Variants in RASGRP1 observed in about 807,000 individuals in gnomAD.
RASGRP1 encodes the protein RAS guanyl releasing protein 1, also known as RAS guanyl-releasing protein 1.
Under a neutral mutation model 95.1 loss-of-function variants are expected in RASGRP1, and 37 were observed. That is an observed-to-expected ratio of 0.39 (90% confidence interval 0.30 to 0.51). RASGRP1 has a LOEUF of 0.51. Among genes scored for constraint, RASGRP1 ranks in the 20% least tolerant of loss-of-function variants. RASGRP1 has a pLI of 0.80. For missense variants in RASGRP1, 711 were observed against 965.4 expected (o/e 0.74, Z 3.49); for synonymous variants, 325 against 353.4 (o/e 0.92, Z 0.90).
In RASGRP1 at chr15:38,507,717, G is replaced by T; in HGVS notation, c.1242+9C>A. 6.4e-7 allele frequency: 1 copy of T among 1,555,178 alleles called. No homozygotes were observed. The highest frequency in any genetic ancestry group is 8.7e-7 in the Non-Finnish European group (1 of 1,148,648). On this transcript the variant is annotated intron_variant, in intron 9 of 16. Transcript: ENST00000310803. ...GTGCTTAGTAATTGTCCTCCAGTGT[G>T]AGCCTCACCGTCAGCAAGTGTACCA...
chr15:38,493,183 T>A (rs909628927), intron 16 of RASGRP1, among the ~76,000 whole-genome samples: 1 of 128,644 alleles, frequency 7.8e-6, no homozygotes, highest in African/African-American at 2.6e-5. Context: ...CCGGGCCTTT[T>A]TTTTTTTTTT....
intron 10 of RASGRP1, chr15:38,503,789 A>G (rs1891137780): frequency 9.3e-6 from 2 of 216,114 alleles, no homozygotes; most frequent in South Asian, 1.5e-4. Flanking sequence ...GCACAAGAAA[A>G]ATCATCGGAA....
In RASGRP1 at chr15:38,488,221, T is replaced by C. The variant is rs1890428705; in HGVS notation, c.*2333A>G. The stretch of plus-strand genomic sequence containing the variant: ...TTTTCTTGCATTTCTATATTATACA[T>C]TTTGAGACAGAAATTCACAACGGTC... On this transcript the variant is annotated 3_prime_UTR_variant, in exon 17 of 17. Transcript: ENST00000310803. 6.6e-6 allele frequency: 1 copy of C among 152,002 alleles called. No individual in the cohort carries two copies. The highest frequency in any genetic ancestry group is 1.5e-5 in the Non-Finnish European group (1 of 67,900). 9.4% of individuals were successfully genotyped at this position (152,002 alleles called of 1,614,324 possible).
chr15:38,490,498 G>T lies in RASGRP1; in HGVS notation c.*56C>A. 6.4e-7 allele frequency: 1 copy of T among 1,565,924 alleles called. No homozygotes were observed. Among genetic ancestry groups the T allele is most frequent in the Non-Finnish European group, 8.7e-7 (1 of 1,155,670 alleles). On this transcript the variant is annotated 3_prime_UTR_variant, in exon 17 of 17. Transcript: ENST00000310803. ...AAGTTCCTCAGGTCTGTGCATTACA[G>T]TTTAGGAAATGAGATCACTATACTC...
chr15:38,494,269 T>A, intron 16 of RASGRP1, 113 bp downstream of exon 16: 1 of 1,397,234 alleles, frequency 7.2e-7, no homozygotes, highest in South Asian at 1.2e-5. Context: ...CCTTTTTTGT[T>A]TTAGACTGCT....
At chr15:38,556,569 C>T (rs1309513269) in intron 2 of RASGRP1, among the ~76,000 whole-genome samples, 1 of 152,218 alleles carries the variant, frequency 6.6e-6, no homozygotes, top group African/African-American at 2.4e-5. Context: ...TTGCGACAAA[C>T]ATCTACCCTC....
chr15:38,559,255 C>T (rs1893707505), intron 2 of RASGRP1, among the ~76,000 whole-genome samples: 1 of 152,192 alleles, frequency 6.6e-6, no homozygotes, highest in Admixed American at 6.5e-5. Flanking sequence ...TGACAGAGTG[C>T]AGCGTCTGAA....
At chr15:38,544,625 C>A (rs1476090434) in intron 2 of RASGRP1, among the ~76,000 whole-genome samples, 1 of 152,206 alleles carries the variant, frequency 6.6e-6, no homozygotes, top group Non-Finnish European at 1.5e-5. Context: ...TATGACATAA[C>A]AAGATGTGGT....
chr15:38,530,266 C>T (rs887650530), intron 2 of RASGRP1, among the ~76,000 whole-genome samples: 1 of 152,160 alleles, frequency 6.6e-6, no homozygotes, highest in African/African-American at 2.4e-5. Context: ...TGAAGAGTAA[C>T]TGGAAATACC....
chr15:38,564,047 G>A (rs1443229359), intron 1 of RASGRP1, among the ~76,000 whole-genome samples: 1 of 152,242 alleles, frequency 6.6e-6, no homozygotes, highest in African/African-American at 2.4e-5. Context: ...GGGGAGAGGA[G>A]TGCAGCTTCC....
rs182791998 is a variant in RASGRP1 at position 38,516,323 on chromosome 15, A to T, written c.549T>A (p.Leu183=). The T allele has an allele frequency of 5.6e-6, 9 of 1,611,028 alleles. No homozygotes were observed. In the African/African-American group the frequency reaches 1.1e-4, roughly 19 times the overall value. The change falls in exon 6 of 17, where the codon CTT becomes CTA. Residue 183 remains leucine (L), a synonymous_variant. Coordinates refer to ENST00000310803, the MANE Select transcript of RASGRP1 (RefSeq NM_005739.4). ...TGGTATTTGATTTTATCCTTTGAGT[A>T]AGTTTCCTGGACCAGTCACGGGCAT... ...QINARDWSRK[L]TQRIKSNTSK...
At chr15:38,539,558 T>C (rs969539594) in intron 2 of RASGRP1, among the ~76,000 whole-genome samples, 7 of 150,398 alleles carry the variant, frequency 4.7e-5, no homozygotes, top group Non-Finnish European at 1.0e-4. Flanking sequence ...GTTTTTTTTT[T>C]TGTTTTTATT....
chr15:38,517,573 G>A (rs1891837525), intron 5 of RASGRP1, among the ~76,000 whole-genome samples: 1 of 152,110 alleles, frequency 6.6e-6, no homozygotes, highest in South Asian at 2.1e-4. Context: ...GACCCTAGAT[G>A]AGTCACATTC....
At chr15:38,498,424 T>C (rs1176019393) in intron 15 of RASGRP1, among the ~76,000 whole-genome samples, 1 of 152,224 alleles carries the variant, frequency 6.6e-6, no homozygotes, top group Non-Finnish European at 1.5e-5. Flanking sequence ...TACACACACA[T>C]ATACATATGC....
chr15:38,525,278 C>T (rs1174786872), intron 3 of RASGRP1, among the ~76,000 whole-genome samples: 1 of 152,086 alleles, frequency 6.6e-6, no homozygotes, highest in Non-Finnish European at 1.5e-5. Flanking sequence ...ACCCCAGGAA[C>T]AATTTAGTCC....
intron 2 of RASGRP1, among the ~76,000 whole-genome samples, chr15:38,532,950 G>C (rs1892504004): frequency 1.3e-5 from 2 of 152,116 alleles, no homozygotes; most frequent in African/African-American, 4.8e-5. Flanking sequence ...GATAAGAGGT[G>C]GGGGCCAGCT....
intron 2 of RASGRP1, among the ~76,000 whole-genome samples, chr15:38,529,207 G>C (rs558374005): frequency 6.6e-6 from 1 of 152,276 alleles, no homozygotes; most frequent in South Asian, 2.1e-4. Context: ...CTATACAGAA[G>C]TCAGGACAAA....
Position 38,519,330 on chromosome 15 carries a change from A to C in RASGRP1, c.368T>G (p.Leu123Arg), listed in dbSNP as rs1291591106. 2.0e-5 allele frequency: 31 copies of C among 1,529,874 alleles called. No individual in the cohort carries two copies. The highest frequency in any genetic ancestry group is 2.8e-5 in the Non-Finnish European group (31 of 1,104,040). 94.8% of individuals were successfully genotyped at this position (1,529,874 alleles called of 1,614,324 possible). A position where few individuals can be genotyped will look rare whatever the true frequency, so the allele number is the denominator to read the frequency against. The part of the protein sequence containing the change: ...ALAKNSPGLC[L>R]KICYFVRYWI... ...TTACCTTACAAAATAACAGATCTTCAGGCAAAGTCCTGGTGAATTCTTTGC... is the reference window on the plus strand; with the variant it reads ...TTACCTTACAAAATAACAGATCTTCCGGCAAAGTCCTGGTGAATTCTTTGC... The change falls in exon 4 of 17, where the codon CTG (leucine) becomes CGG (arginine). Residue 123 changes from leucine (L) to arginine (R), a missense_variant. This residue lies in a region of RASGRP1 where 491 missense variants were observed against 676.6 expected (regional missense o/e 0.73). Transcript: ENST00000310803.
At chr15:38,491,088 T>C (rs924678797) in intron 16 of RASGRP1, among the ~76,000 whole-genome samples, 1 of 152,174 alleles carries the variant, frequency 6.6e-6, no homozygotes, top group Non-Finnish European at 1.5e-5. Flanking sequence ...TTATCTAAGT[T>C]TCCCCCCCAC....
Sources: allele counts gnomAD v4.1 joint callset (sites outside exome capture counted in the v4.1 genomes callset), GRCh38; gene constraint gnomAD v4.1.1; regional missense constraint gnomAD v4.1.1; transcripts MANE v1.5; gene names NCBI Gene and HGNC (gene_info 2026-07-23, HGNC 2026-07-21).